Variants in FGGY observed in about 807,000 individuals in gnomAD.
FGGY encodes FGGY carbohydrate kinase domain-containing protein.
A neutral mutation model predicts 71.3 loss-of-function variants in FGGY; 72 were observed. The ratio of observed to expected loss-of-function variants is 1.01; its 90% CI spans 0.84 to 1.23. The LOEUF is 1.23. Among genes scored for constraint, FGGY ranks in the 50% most tolerant of loss-of-function variants. The pLI is 0.00. For missense variants in FGGY, 668 were observed against 682.3 expected, an observed-to-expected ratio of 0.98 and a Z score of 0.23; for synonymous variants, 251 against 250.3, an observed-to-expected ratio of 1.00 and a Z score of -0.02.
At chr1:59,350,249 A>T (rs2052990489) in intron 4 of FGGY, among the ~76,000 whole-genome samples, 1 of 152,178 alleles carries the variant, frequency 6.6e-6, no homozygotes, top group African/African-American at 2.4e-5. Context: ...ACTGGGGACA[A>T]TAAGGACTCA....
chr1:59,461,056 G>A (rs573504784), intron 6 of FGGY, among the ~76,000 whole-genome samples: 33 of 152,202 alleles, frequency 2.2e-4, no homozygotes, highest in Non-Finnish European at 4.1e-4. Flanking sequence ...AACAAAGCTG[G>A]ACGGAGAATG....
chr1:59,394,375 T>C (rs1397739177), intron 5 of FGGY, among the ~76,000 whole-genome samples: 2 of 152,214 alleles, frequency 1.3e-5, no homozygotes, highest in African/African-American at 4.8e-5. Context: ...GCATCCTTCA[T>C]GGAGGAAGGA....
chr1:59,546,513 TGATGATGATGATG>T (rs2095523946), intron 7 of FGGY, among the ~76,000 whole-genome samples: 2 of 147,194 alleles, frequency 1.4e-5, no homozygotes, highest in Non-Finnish European at 3.0e-5. Flanking sequence ...ATGATGATGA[TGATGATGATGATG>T]ATGATGATGA....
chr1:59,707,402 G>A (rs368895645), intron 14 of FGGY, among the ~76,000 whole-genome samples: 93 of 152,294 alleles, frequency 6.1e-4, no homozygotes, highest in Admixed American at 3.5e-3. Context: ...TGTAGGAGGA[G>A]GGGGAGAGAG....
At chr1:59,490,529 C>T (rs2093797000) in intron 6 of FGGY, among the ~76,000 whole-genome samples, 1 of 152,038 alleles carries the variant, frequency 6.6e-6, no homozygotes, top group African/African-American at 2.4e-5. Context: ...TGACATAATT[C>T]CCTTTTTAAA....
chr1:59,343,384 C>A (rs541076898), intron 3 of FGGY, among the ~76,000 whole-genome samples: 2 of 152,262 alleles, frequency 1.3e-5, no homozygotes, highest in Non-Finnish European at 2.9e-5. Context: ...GAACCTCTTT[C>A]TCACTCTTTC....
chr1:59,517,106 G>C (rs1013933353), intron 7 of FGGY, among the ~76,000 whole-genome samples: 1 of 152,020 alleles, frequency 6.6e-6, no homozygotes, highest in African/African-American at 2.4e-5. Context: ...GGGTGGTTCT[G>C]GCCAGGGCTC....
At chr1:59,607,246 A>G (rs2153816385) in intron 8 of FGGY, among the ~76,000 whole-genome samples, 1 of 152,332 alleles carries the variant, frequency 6.6e-6, no homozygotes, top group East Asian at 1.9e-4. Flanking sequence ...GAACAGACTC[A>G]GCTCTGTTGC....
chr1:59,592,488 A>G (rs1376472656), intron 8 of FGGY, among the ~76,000 whole-genome samples: 1 of 152,218 alleles, frequency 6.6e-6, no homozygotes, highest in Non-Finnish European at 1.5e-5. Context: ...ATGCACACAT[A>G]TGTTTATTGC....
chr1:59,636,817 C>T (rs932855107), intron 10 of FGGY, among the ~76,000 whole-genome samples: 1 of 152,198 alleles, frequency 6.6e-6, no homozygotes, highest in African/African-American at 2.4e-5. Context: ...ATCACTGAGC[C>T]TTCCTTCTAA....
intron 14 of FGGY, among the ~76,000 whole-genome samples, chr1:59,723,232 C>G (rs2097912220): frequency 6.6e-6 from 1 of 152,144 alleles, no homozygotes; most frequent in Non-Finnish European, 1.5e-5. Flanking sequence ...TGTATGTACC[C>G]TAACCCATGT....
rs139686842 is a variant in FGGY at position 59,605,040 on chromosome 1, G to A, written c.904-2763G>A. 7.0e-4 allele frequency among the ~76,000 whole-genome samples: 107 copies of A among 152,236 alleles called. 2 individuals carry two copies. The East Asian group carries it at 0.014, about 21-fold the overall frequency. On this transcript the variant is annotated intron_variant, in intron 8 of 15. Coordinates refer to ENST00000303721, the MANE Select transcript of FGGY (RefSeq NM_018291.5). ...CTGGAACATTCACCATAGCTCACTC[G>A]TGCATTCTTTCTCTCTCATACACAC...
At chr1:59,592,249 C>A (rs546245690) in intron 8 of FGGY, among the ~76,000 whole-genome samples, 183 of 152,216 alleles carry the variant, frequency 1.2e-3, no homozygotes, top group African/African-American at 4.3e-3. Context: ...CATCTCACAC[C>A]AGTTAGAATG....
intron 14 of FGGY, among the ~76,000 whole-genome samples, chr1:59,694,959 AT>A (rs1558823834): frequency 6.6e-6 from 1 of 152,218 alleles, no homozygotes; most frequent in Non-Finnish European, 1.5e-5. Context: ...TTAGTTTTTC[AT>A]GGAGCATCTT....
At chr1:59,506,456 G>A (rs2094384901) in intron 6 of FGGY, among the ~76,000 whole-genome samples, 1 of 152,048 alleles carries the variant, frequency 6.6e-6, no homozygotes, top group African/African-American at 2.4e-5. Flanking sequence ...CATTTTAATG[G>A]CAAGGTGGGA....
intron 7 of FGGY, among the ~76,000 whole-genome samples, chr1:59,544,679 A>G (rs1023157695): frequency 3.3e-5 from 5 of 152,210 alleles, no homozygotes; most frequent in South Asian, 2.1e-4. Context: ...AAATGCCATT[A>G]TTTCCACCTT....
Position 59,457,054 on chromosome 1 carries a change from T to C in FGGY, c.648T>C (p.Val216=). The part of the protein sequence containing the change: ...FWKMIGLEDF[V]ADNYSKIGNQ... Reference sequence around the variant, plus strand: ...AAATGATTGGTTTGGAAGACTTTGTTGCAGATAATTACAGCAAAATAGGTA... The same window carrying C: ...AAATGATTGGTTTGGAAGACTTTGTCGCAGATAATTACAGCAAAATAGGTA... The change falls in exon 6 of 16, where the codon GTT becomes GTC. Residue 216 remains valine (V), a synonymous_variant. Coordinates refer to ENST00000303721, the MANE Select transcript of FGGY (RefSeq NM_018291.5). 1 of 1,613,776 alleles carries C rather than the reference T, an allele frequency of 6.2e-7. No homozygotes were observed. Among genetic ancestry groups the C allele is most frequent in the African/African-American group, 1.3e-5 (1 of 75,040 alleles).
intron 5 of FGGY, among the ~76,000 whole-genome samples, chr1:59,427,106 A>G (rs540801969): frequency 1.1e-3 from 164 of 152,344 alleles, no homozygotes; most frequent in Non-Finnish European, 2.2e-3. Context: ...CACACAAAAA[A>G]GGTTTTCAAT....
In FGGY at chr1:59,554,124, G is replaced by T. The variant is rs142088608; in HGVS notation, c.800G>T (p.Gly267Val). The stretch of plus-strand genomic sequence containing the variant: ...TTGTTTTTGTTTTCCTTTCTCACAG[G>T]AGTGATTGGGGCAGATGTGAGAGGG... ...SLIDAHAGGLGVIGADVRGHG... is the reference protein window; with the variant it reads ...SLIDAHAGGLVVIGADVRGHG... The change falls in exon 8 of 16, where the codon GGA (glycine) becomes GTA (valine). Residue 267 changes from glycine to valine, a missense_variant and splice_region_variant. Gly to Val is a moderately radical substitution (Grantham distance 109, BLOSUM62 -3). This residue lies in a region of FGGY where 661 missense variants were observed against 661.6 expected (regional missense o/e 1.00). Transcript: ENST00000303721. 1,905 of 1,598,956 alleles carry T rather than the reference G, an allele frequency of 1.2e-3. 6 individuals are homozygous for T. Among genetic ancestry groups the T allele is most frequent in the Non-Finnish European group, 1.4e-3 (1,674 of 1,167,878 alleles).
Sources: gnomAD v4.1 joint callset for allele counts (sites outside exome capture counted in the v4.1 genomes callset) on GRCh38, gnomAD v4.1.1 for gene constraint, gnomAD v4.1.1 regional missense constraint, MANE v1.5 for transcripts, NCBI Gene and HGNC (gene_info 2026-07-23, HGNC 2026-07-21) for gene names.